Variants in MAP2K3 observed in about 807,000 individuals in gnomAD.
The protein encoded by MAP2K3 is mitogen-activated protein kinase kinase 3.
MAP2K3 carries 30 observed loss-of-function variants against 46.4 expected under a neutral mutation model. That is an observed-to-expected ratio of 0.65 (90% CI 0.48 to 0.88). MAP2K3 has a LOEUF of 0.88. Among genes scored for constraint, MAP2K3 ranks in the 40% least tolerant of loss-of-function variants. MAP2K3 has a pLI of 0.00. For synonymous variants in MAP2K3, 189 were observed against 176.3 expected (o/e 1.07, Z -0.57); for missense variants, 380 against 464.5 (o/e 0.82, Z 1.67).
intron 6 of MAP2K3, among the ~76,000 whole-genome samples, 176 bp downstream of exon 6, chr17:21,302,435 A>G (rs2144594213): frequency 6.6e-6 from 1 of 152,426 alleles, no homozygotes; most frequent in South Asian, 2.1e-4. Context: ...CCCAGACCAG[A>G]GCCTTTGTGC....
intron 1 of MAP2K3, among the ~76,000 whole-genome samples, chr17:21,286,008 G>C (rs897746399): frequency 6.6e-6 from 1 of 152,152 alleles, no homozygotes; most frequent in Non-Finnish European, 1.5e-5. Context: ...TGAATGGGCT[G>C]CCTCCTGGCT....
intron 1 of MAP2K3, among the ~76,000 whole-genome samples, chr17:21,294,078 C>G (rs1165359628): frequency 2.0e-5 from 3 of 152,310 alleles, no homozygotes; most frequent in African/African-American, 7.2e-5. Context: ...CGAGGTACAT[C>G]TGCCCACGCA....
intron 9 of MAP2K3, among the ~76,000 whole-genome samples, chr17:21,307,950 C>A (rs62057747): frequency 7.6e-6 from 1 of 131,472 alleles, no homozygotes; most frequent in Non-Finnish European, 1.7e-5. Context: ...CTGCCTCTCG[C>A]GTTCAGGCAA....
intron 1 of MAP2K3, chr17:21,288,007 C>T (rs887578305): frequency 2.3e-6 from 3 of 1,288,848 alleles, no homozygotes; most frequent in Middle Eastern, 2.1e-4. Flanking sequence ...CTCTGTCAGC[C>T]AACCCATGGC....
chr17:21,296,882 C>T (rs1216455858), intron 1 of MAP2K3, among the ~76,000 whole-genome samples: 1 of 152,278 alleles, frequency 6.6e-6, no homozygotes, highest in African/African-American at 2.4e-5. Flanking sequence ...CAGGCAGGCA[C>T]CCAGTGCATG....
At position 21,300,857 on chromosome 17, in the gene MAP2K3, G is replaced by T; in HGVS notation, c.280-17G>T. 6.2e-7 allele frequency: 1 copy of T among 1,613,950 alleles called. No individual in the cohort carries two copies. On this transcript the variant is annotated splice_polypyrimidine_tract_variant and intron_variant, in intron 4 of 11. Coordinates refer to ENST00000342679, the MANE Select transcript of MAP2K3 (RefSeq NM_145109.3). The stretch of plus-strand genomic sequence containing the variant: ...CCTCTGCCACGGCAACCTCTGAATG[G>T]CAGTCCTTCCCTGCAGCGGATCCGG...
chr17:21,300,778 C>T (rs987661447), intron 4 of MAP2K3, 96 bp from the exon 5 acceptor site: 17 of 1,609,658 alleles, frequency 1.1e-5, no homozygotes, highest in Non-Finnish European at 1.4e-5. Flanking sequence ...TTGGGGCACA[C>T]TGGGCAGTGG....
rs748901884 is a variant in MAP2K3 at position 21,298,486 on chromosome 17, C to T, written c.116+7C>T. On this transcript the variant is annotated splice_region_variant and intron_variant, in intron 2 of 11. Transcript: ENST00000342679. ...CACCCGCACCCAACCCCACGTGAGT[C>T]TGCCTCAGTTTCTCCCTGGCTCACC... is the stretch of plus-strand genomic sequence containing the variant. The T allele has an allele frequency of 6.2e-7, 1 of 1,614,198 alleles. No homozygotes were observed. Among genetic ancestry groups the T allele is most frequent in the Non-Finnish European group, 8.5e-7 (1 of 1,180,064 alleles).
chr17:21,297,925 C>G (rs1284582046), intron 1 of MAP2K3, among the ~76,000 whole-genome samples: 1 of 152,298 alleles, frequency 6.6e-6, no homozygotes. Flanking sequence ...CCCGCCTGCT[C>G]CACCGCCTGT....
intron 3 of MAP2K3, among the ~76,000 whole-genome samples, chr17:21,300,116 G>T (rs1391013130): frequency 1.3e-5 from 2 of 152,310 alleles, no homozygotes; most frequent in Non-Finnish European, 2.9e-5. Flanking sequence ...CCAAGAGAGG[G>T]AAACATCTGT....
intron 1 of MAP2K3, among the ~76,000 whole-genome samples, chr17:21,287,295 C>G (rs770239714): frequency 6.6e-6 from 1 of 152,240 alleles, no homozygotes; most frequent in Non-Finnish European, 1.5e-5. Context: ...GTTGCATTCT[C>G]GCTGCAAAAT....
intron 1 of MAP2K3, among the ~76,000 whole-genome samples, chr17:21,292,792 G>A (rs372019751): frequency 7.9e-3 from 1,194 of 151,332 alleles, no homozygotes; most frequent in African/African-American, 0.028. Context: ...TGGTCTGACC[G>A]GCATTTTCTT....
At position 21,312,348 on chromosome 17, in the gene MAP2K3, G is replaced by A. The variant is rs1977207730; in HGVS notation, c.914+67G>A. ...CTGGCCAGATCCCTGCACCTTCCTG[G>A]GCCCTGTTCCTTTATTCCTTTGGCA... On this transcript the variant is annotated intron_variant, in intron 10 of 11. Transcript: ENST00000342679. The A allele has an allele frequency of 3.4e-6, 5 of 1,469,804 alleles. No homozygotes were observed. The African/African-American group carries it at 6.0e-5, about 18-fold the overall frequency. The allele number at this position is 1,469,804 out of a possible 1,614,324, so 91.0% of individuals were successfully genotyped here.
At chr17:21,298,021 A>C (rs1325005715) in intron 1 of MAP2K3, among the ~76,000 whole-genome samples, 6 of 152,302 alleles carry the variant, frequency 3.9e-5, no homozygotes, top group African/African-American at 1.4e-4. Context: ...GCCCCTGTAC[A>C]GTGGCTGCTG....
chr17:21,295,456 G>A (rs574543786), intron 1 of MAP2K3, among the ~76,000 whole-genome samples: 17 of 152,420 alleles, frequency 1.1e-4, no homozygotes, highest in South Asian at 4.1e-4. Context: ...GCCAGTGGCC[G>A]CCGAGAGCCT....
intron 9 of MAP2K3, among the ~76,000 whole-genome samples, chr17:21,306,112 G>A (rs991626236): frequency 1.3e-5 from 2 of 152,314 alleles, no homozygotes; most frequent in African/African-American, 4.8e-5. Flanking sequence ...AGTTCCGTTC[G>A]GTTCTGATGC....
intron 1 of MAP2K3, chr17:21,296,226 G>A (rs1285675287): frequency 7.8e-7 from 1 of 1,282,634 alleles, no homozygotes; most frequent in Admixed American, 2.3e-5. Flanking sequence ...TGGCATTTCT[G>A]CCTCGAGCTG....
At chr17:21,306,065 A>G (rs1976878278) in intron 9 of MAP2K3, among the ~76,000 whole-genome samples, 1 of 152,212 alleles carries the variant, frequency 6.6e-6, no homozygotes. Context: ...ACCGCAACCC[A>G]TTCTCGGATT....
At chr17:21,285,525 TTCTCTCCCCCAGCTCTTCTTATCC>T (rs1417902410) in intron 1 of MAP2K3, among the ~76,000 whole-genome samples, 24 of 152,126 alleles carry the variant, frequency 1.6e-4, no homozygotes, top group Admixed American at 1.4e-3. Flanking sequence ...CTCCCCGTCC[TTCTCTCCCCCAGCTCTTCTTATCC>T]TTATAGGCCC....
Sources: gnomAD v4.1 joint callset for allele counts (sites outside exome capture counted in the v4.1 genomes callset) on GRCh38, gnomAD v4.1.1 for gene constraint, MANE v1.5 for transcripts, NCBI Gene and HGNC (gene_info 2026-07-23, HGNC 2026-07-21) for gene names.